AAMDC: variants seen among roughly 807,000 people sequenced by gnomAD.
The protein encoded by AAMDC is adipogenesis associated Mth938 domain containing.
AAMDC carries 16 observed loss-of-function variants against 15.5 expected under a neutral mutation model. The observed-to-expected ratio is 1.03, with a 90% CI of 0.70 to 1.57. The LOEUF is 1.57. Among genes scored for constraint, AAMDC ranks in the 40% most tolerant of loss-of-function variants. The pLI is 0.00. For missense variants in AAMDC, 141 were observed against 144.9 expected (o/e 0.97, Z 0.14); for synonymous variants, 51 against 51.6 (o/e 0.99, Z 0.05).
chr11:77,859,596 G>A (rs1950789033), intron 2 of AAMDC, among the ~76,000 whole-genome samples: 1 of 152,178 alleles, frequency 6.6e-6, no homozygotes, highest in Admixed American at 6.5e-5. Flanking sequence ...AGTTCCTGGA[G>A]TGAGGGGATT....
chr11:77,878,580 G>A, intron 5 of AAMDC: 1 of 536,840 alleles, frequency 1.9e-6, no homozygotes, highest in Middle Eastern at 2.7e-4. Flanking sequence ...TAAGAAATAA[G>A]ACTATAGCTC....
intron 3 of AAMDC, among the ~76,000 whole-genome samples, chr11:77,871,411 G>T (rs1431530686): frequency 1.3e-5 from 2 of 152,256 alleles, no homozygotes; most frequent in African/African-American, 4.8e-5. Context: ...ACTGGTGACG[G>T]TGCGATAAAC....
At chr11:77,841,051 C>T in intron 1 of AAMDC, 1 of 588,784 alleles carries the variant, frequency 1.7e-6, no homozygotes, top group Non-Finnish European at 3.0e-6. Context: ...GACCAGTTGG[C>T]TCGCATCTGG....
At chr11:77,822,268 C>T (rs1222809681) in intron 1 of AAMDC, among the ~76,000 whole-genome samples, 1 of 151,842 alleles carries the variant, frequency 6.6e-6, no homozygotes, top group Non-Finnish European at 1.5e-5. Context: ...GGTGAAACCC[C>T]GTCTCTAGTA....
intron 5 of AAMDC, chr11:77,879,063 G>A: frequency 5.0e-6 from 8 of 1,614,128 alleles, no homozygotes; most frequent in Non-Finnish European, 6.8e-6. Context: ...CCATCCAGGG[G>A]CATTTTGGAA....
At chr11:77,876,704 T>C (rs1379057331), downstream of AAMDC, among the ~76,000 whole-genome samples, 1 of 152,068 alleles carries the variant, frequency 6.6e-6, no homozygotes, top group Non-Finnish European at 1.5e-5. Context: ...TGTCTACCTT[T>C]GATGGAAGAA....
intron 2 of AAMDC, chr11:77,869,312 C>CTTTT (rs1209578429): frequency 6.3e-5 from 8 of 126,962 alleles, no homozygotes; most frequent in East Asian, 4.4e-4. Flanking sequence ...ATCTCTTTTT[C>CTTTT]TTTTTTTTTT....
Position 77,858,786 on chromosome 11 carries a change from G to A in AAMDC, c.133-10936G>A, listed in dbSNP as rs1475679408. Among the ~76,000 whole-genome samples, 3 of 152,162 alleles carry A rather than the reference G, an allele frequency of 2.0e-5. No homozygotes were observed. In the East Asian group the frequency reaches 5.8e-4, roughly 29 times the overall value. On this transcript the variant is annotated intron_variant, in intron 2 of 3. Coordinates refer to ENST00000393427, the MANE Select transcript of AAMDC (RefSeq NM_024684.4). ...TTAACATCAGAGCATGGGCTAGCAG[G>A]CCAGTCCAGGGGTCCACGGTAGGTC...
downstream of AAMDC, chr11:77,872,418 A>T: frequency 6.5e-6 from 9 of 1,394,614 alleles, no homozygotes; most frequent in Non-Finnish European, 8.6e-6. Flanking sequence ...ACACCTACTC[A>T]TGCCAGGTCC....
At chr11:77,884,805 A>G in intron 5 of AAMDC, 1 of 407,760 alleles carries the variant, frequency 2.5e-6, no homozygotes, top group Non-Finnish European at 5.0e-6. Context: ...CCCAGGCTGG[A>G]GTGCAGTGGC....
intron 1 of AAMDC, among the ~76,000 whole-genome samples, chr11:77,837,953 G>A (rs1949760975): frequency 6.6e-6 from 1 of 152,180 alleles, no homozygotes; most frequent in Non-Finnish European, 1.5e-5. Context: ...CACACCTCTA[G>A]TTCCAGCTAG....
chr11:77,840,790 A>G (rs559051243), intron 1 of AAMDC, among the ~76,000 whole-genome samples: 2 of 152,080 alleles, frequency 1.3e-5, no homozygotes, highest in Non-Finnish European at 2.9e-5. Flanking sequence ...TTGAAGAGTG[A>G]CATTTTAGAT....
chr11:77,841,041 G>T, intron 1 of AAMDC: 1 of 585,004 alleles, frequency 1.7e-6, no homozygotes, highest in South Asian at 2.3e-5. Context: ...GGAAGTCCAA[G>T]ACCAGTTGGC....
At chr11:77,869,937 C>T in intron 3 of AAMDC, 120 bp downstream of exon 3, 3 of 909,412 alleles carry the variant, frequency 3.3e-6, no homozygotes, top group Middle Eastern at 3.3e-4. Context: ...ATTTTGCTGA[C>T]CCAGGATAGC....
At chr11:77,834,361 T>A (rs753987826) in intron 1 of AAMDC, among the ~76,000 whole-genome samples, 6 of 151,946 alleles carry the variant, frequency 3.9e-5, no homozygotes, top group Non-Finnish European at 7.4e-5. Flanking sequence ...CTCTTAATTA[T>A]GATTTTATTA....
rs143162704 is a variant in AAMDC, at chr11:77,871,802, T to G, written c.229-373T>G. 1.8e-4 allele frequency among the ~76,000 whole-genome samples: 27 copies of G among 152,364 alleles called. No individual in the cohort carries two copies. In the East Asian group the frequency reaches 5.2e-3, roughly 29 times the overall value. Reference sequence around the variant, plus strand: ...ATGTTTCACATACCCTTAGCTCAGTTAGTTGTCATACCAACCCTAGGTGTT... The same window carrying G: ...ATGTTTCACATACCCTTAGCTCAGTGAGTTGTCATACCAACCCTAGGTGTT... On this transcript the variant is annotated intron_variant, in intron 3 of 3. Coordinates refer to ENST00000393427, the MANE Select transcript of AAMDC (RefSeq NM_024684.4).
intron 5 of AAMDC, among the ~76,000 whole-genome samples, chr11:77,899,073 C>T (rs1031116268): frequency 1.1e-4 from 16 of 151,784 alleles, no homozygotes; most frequent in Admixed American, 3.9e-4. Flanking sequence ...ATTCAATAAC[C>T]CTTACAATAA....
chr11:77,847,029 G>A (rs773499939), intron 2 of AAMDC, among the ~76,000 whole-genome samples: 2 of 152,148 alleles, frequency 1.3e-5, no homozygotes, highest in Middle Eastern at 3.2e-3. Flanking sequence ...CCAAACTGAT[G>A]TATGAGCAGG....
chr11:77,833,470 A>C (rs565311723), intron 1 of AAMDC, among the ~76,000 whole-genome samples: 1 of 152,166 alleles, frequency 6.6e-6, no homozygotes, highest in Admixed American at 6.5e-5. Context: ...GCTGCTGCTG[A>C]TGTGTCAGGA....
Sources: allele counts gnomAD v4.1 joint callset (sites outside exome capture counted in the v4.1 genomes callset), GRCh38; gene constraint gnomAD v4.1.1; transcripts MANE v1.5; gene names NCBI Gene and HGNC (gene_info 2026-07-23, HGNC 2026-07-21).